PRKN: variants seen among roughly 807,000 people sequenced by gnomAD.
PRKN encodes parkin RBR E3 ubiquitin protein ligase, also known as E3 ubiquitin-protein ligase parkin.
In PRKN, 56 loss-of-function variants were observed where a neutral mutation model predicts 59.5. The ratio of observed to expected loss-of-function variants is 0.94; its 90% CI spans 0.76 to 1.18. The LOEUF is 1.18. Ranked by LOEUF, PRKN falls within the 50% of genes most tolerant of loss-of-function variation. The pLI is 0.00. For synonymous variants in PRKN, 250 were observed against 222.1 expected, an observed-to-expected ratio of 1.13 and a Z score of -1.12; for missense variants, 657 against 596.4, an observed-to-expected ratio of 1.10 and a Z score of -1.06.
chr6:161,393,847 G>A lies in PRKN; in HGVS notation c.1084-6970C>T, dbSNP rs956467787. Reference sequence around the variant, plus strand: ...GCATTTATTTTTCTTCCACGGCTCTGAAATTCTGTGTTAAAAGAATAGGAG... The same window carrying A: ...GCATTTATTTTTCTTCCACGGCTCTAAAATTCTGTGTTAAAAGAATAGGAG... On this transcript the variant is annotated intron_variant, in intron 9 of 11. Transcript: ENST00000366898. The surrounding 1 kb of genome is among the most constrained non-coding windows in gnomAD (Gnocchi z 4.7). Among the ~76,000 whole-genome samples the A allele has an allele frequency of 6.6e-6, 1 of 152,146 alleles. No individual in the cohort carries two copies. Among genetic ancestry groups the A allele is most frequent in the African/African-American group, 2.4e-5 (1 of 41,418 alleles).
At chr6:162,661,806 A>T (rs1778893248) in intron 1 of PRKN, among the ~76,000 whole-genome samples, 1 of 152,146 alleles carries the variant, frequency 6.6e-6, no homozygotes, top group Admixed American at 6.5e-5. Context: ...GGCAGAAATA[A>T]TTTTTTCTTT....
rs1256051018 is a variant in PRKN at position 161,454,756 on chromosome 6, G to T, written c.1084-67879C>A. 6.6e-6 allele frequency among the ~76,000 whole-genome samples: 1 copy of T among 152,090 alleles called. No individual in the cohort carries two copies. The highest frequency in any genetic ancestry group is 1.5e-5 in the Non-Finnish European group (1 of 68,018). ...GTTGACTACTTTCTGGAGGCCAATT[G>T]CACTTAACTTGGATTCCTGAGTGAC... On this transcript the variant is annotated intron_variant, in intron 9 of 11. Transcript: ENST00000366898. The surrounding 1 kb of genome is among the most constrained non-coding windows in gnomAD (Gnocchi z 4.6).
chr6:162,347,537 T>C (rs1784454634), intron 2 of PRKN, among the ~76,000 whole-genome samples: 1 of 152,102 alleles, frequency 6.6e-6, no homozygotes, highest in African/African-American at 2.4e-5. Context: ...TGATTCTTGC[T>C]TTATGACTTA....
chr6:161,956,760 A>G (rs963054038), intron 6 of PRKN, among the ~76,000 whole-genome samples: 3 of 152,186 alleles, frequency 2.0e-5, no homozygotes, highest in African/African-American at 7.2e-5. Flanking sequence ...GAACAGTGAC[A>G]CCTATGTAAA....
rs192649397 is a variant in PRKN at position 162,238,231 on chromosome 6, C to G, written c.412+24294G>C. Among the ~76,000 whole-genome samples, 4 of 152,212 alleles carry G rather than the reference C, an allele frequency of 2.6e-5. No individual in the cohort carries two copies. The East Asian group carries it at 7.7e-4, about 29-fold the overall frequency. ...TTTTTAATGTTTAGATACAAAAATA[C>G]TCTCCATTGTGTTACAGTTGCCTGC... On this transcript the variant is annotated intron_variant, in intron 3 of 11. Coordinates refer to ENST00000366898, the MANE Select transcript of PRKN (RefSeq NM_004562.3).
chr6:161,955,068 C>T (rs1487946934), intron 6 of PRKN, among the ~76,000 whole-genome samples: 1 of 152,150 alleles, frequency 6.6e-6, no homozygotes, highest in Admixed American at 6.5e-5. Flanking sequence ...TAAGCAGTCT[C>T]GGAGGAAGTC....
intron 2 of PRKN, among the ~76,000 whole-genome samples, chr6:162,313,545 T>C (rs1482410859): frequency 2.6e-5 from 4 of 152,042 alleles, no homozygotes; most frequent in Non-Finnish European, 5.9e-5. Context: ...TGGAATCCAA[T>C]GGTGCGATCT....
chr6:162,469,425 C>T (rs1023011923), intron 1 of PRKN, among the ~76,000 whole-genome samples: 4 of 151,404 alleles, frequency 2.6e-5, no homozygotes, highest in Non-Finnish European at 5.9e-5. Context: ...AGCACAGTTC[C>T]AGGTTGCAAA....
At chr6:162,514,872 T>C (rs991395339) in intron 1 of PRKN, among the ~76,000 whole-genome samples, 4 of 152,214 alleles carry the variant, frequency 2.6e-5, no homozygotes, top group Non-Finnish European at 5.9e-5. Context: ...TTTAATTAAA[T>C]CTATTCATGT....
At chr6:162,531,776 A>C (rs986501135) in intron 1 of PRKN, among the ~76,000 whole-genome samples, 1 of 152,082 alleles carries the variant, frequency 6.6e-6, no homozygotes, top group South Asian at 2.1e-4. Context: ...GTCCCCAGGC[A>C]AGAAGGAGGT....
chr6:162,602,724 T>G (rs928217560), intron 1 of PRKN, among the ~76,000 whole-genome samples: 2 of 152,194 alleles, frequency 1.3e-5, no homozygotes, highest in African/African-American at 2.4e-5. Context: ...CATTTTCACA[T>G]GCAAACAAAC....
rs561400782 is a variant in PRKN, at chr6:161,544,508, T to C, written c.1083+4346A>G. Among the ~76,000 whole-genome samples the C allele has an allele frequency of 8.0e-4, 9 of 11,212 alleles. No individual in the cohort carries two copies. In the East Asian group the frequency reaches 0.014, roughly 17 times the overall value. 7.4% of individuals were successfully genotyped at this position (11,212 alleles called of 152,430 possible). A position where few individuals can be genotyped will look rare whatever the true frequency, so the allele number is the denominator to read the frequency against. ...AGATTCACTCAACCATTTATTTTATTCATTCATTCATTCATTCATTCATTC... is the reference window on the plus strand; with the variant it reads ...AGATTCACTCAACCATTTATTTTATCCATTCATTCATTCATTCATTCATTC... On this transcript the variant is annotated intron_variant, in intron 9 of 11. Transcript: ENST00000366898. This position sits in a 1 kb window ranked among gnomAD's most constrained non-coding sequence, Gnocchi z 5.5.
At position 161,518,602 on chromosome 6, in the gene PRKN, A is replaced by T. The variant is rs1003928890; in HGVS notation, c.1083+30252T>A. ...CAAAGAGCATTATTGGTTCAATGTT[A>T]ATGCCACGGCCTCCCCCTAGCAGCA... On this transcript the variant is annotated intron_variant, in intron 9 of 11. Transcript: ENST00000366898. This position sits in a 1 kb window ranked among gnomAD's most constrained non-coding sequence, Gnocchi z 5.0. Among the ~76,000 whole-genome samples the T allele has an allele frequency of 2.0e-5, 3 of 152,122 alleles. No individual in the cohort carries two copies. Among genetic ancestry groups the T allele is most frequent in the Non-Finnish European group, 2.9e-5 (2 of 68,026 alleles).
At chr6:161,532,762 G>C (rs1408765496) in intron 9 of PRKN, among the ~76,000 whole-genome samples, 1 of 152,144 alleles carries the variant, frequency 6.6e-6, no homozygotes, top group Non-Finnish European at 1.5e-5. Context: ...ATGTTCACTG[G>C]TGCATGCACG....
intron 2 of PRKN, among the ~76,000 whole-genome samples, chr6:162,407,761 GA>G (rs754509842): frequency 4.1e-4 from 62 of 151,192 alleles, no homozygotes; most frequent in Non-Finnish European, 8.3e-4. Context: ...TTATTATTAA[GA>G]AAAATTACTC....
intron 1 of PRKN, among the ~76,000 whole-genome samples, chr6:162,723,322 T>C (rs1330809477): frequency 6.6e-6 from 1 of 152,238 alleles, no homozygotes; most frequent in Non-Finnish European, 1.5e-5. Context: ...AGATACTGTT[T>C]TTCATCTGTC....
intron 1 of PRKN, among the ~76,000 whole-genome samples, chr6:162,580,099 C>T (rs1446298638): frequency 6.6e-6 from 1 of 152,186 alleles, no homozygotes; most frequent in African/African-American, 2.4e-5. Flanking sequence ...ACACAAGACA[C>T]TGGACTTTCG....
intron 7 of PRKN, among the ~76,000 whole-genome samples, chr6:161,679,137 ACTT>A (rs1785203195): frequency 6.6e-6 from 1 of 152,176 alleles, no homozygotes; most frequent in Admixed American, 6.5e-5. Context: ...CCTTCACTCA[ACTT>A]CTAGCTTGAA....
At chr6:162,283,632 A>G (rs1781028173) in intron 2 of PRKN, among the ~76,000 whole-genome samples, 1 of 152,080 alleles carries the variant, frequency 6.6e-6, no homozygotes, top group African/African-American at 2.4e-5. Flanking sequence ...AGCAGTTCTC[A>G]TGCCTCAACG....
Sources: allele counts gnomAD v4.1 joint callset (sites outside exome capture counted in the v4.1 genomes callset), GRCh38; gene constraint gnomAD v4.1.1; non-coding constraint Gnocchi (gnomAD v3.1); transcripts MANE v1.5; gene names NCBI Gene and HGNC (gene_info 2026-07-23, HGNC 2026-07-21).